LSM7: variants seen among roughly 807,000 people sequenced by gnomAD.
The protein encoded by LSM7 is U6 snRNA-associated Sm-like protein LSm7.
In LSM7, 13 loss-of-function variants were observed where a neutral mutation model predicts 14.1. The ratio of observed to expected loss-of-function variants is 0.92; its 90% CI spans 0.60 to 1.47. The LOEUF is 1.47. Among genes scored for constraint, LSM7 ranks in the 40% most tolerant of loss-of-function variants. The pLI is 0.00. For missense variants in LSM7, 108 were observed against 140.8 expected (o/e 0.77, Z 1.18); for synonymous variants, 70 against 57.1 (o/e 1.23, Z -1.02).
intron 3 of LSM7, among the ~76,000 whole-genome samples, chr19:2,323,589 T>C (rs1028499969): frequency 6.6e-5 from 10 of 152,162 alleles, no homozygotes; most frequent in South Asian, 2.1e-4. Flanking sequence ...CAGCTGGGAT[T>C]ACAGGCATGC....
At chr19:2,325,091 GC>G (rs1967994160) in intron 2 of LSM7, among the ~76,000 whole-genome samples, 1 of 152,190 alleles carries the variant, frequency 6.6e-6, no homozygotes, top group African/African-American at 2.4e-5. Flanking sequence ...GGCTTCGGGG[GC>G]TGAGACGGTC....
At chr19:2,325,770 G>A (rs1968005083) in intron 2 of LSM7, among the ~76,000 whole-genome samples, 1 of 152,266 alleles carries the variant, frequency 6.6e-6, no homozygotes, top group Admixed American at 6.5e-5. Context: ...GCGCTGACCA[G>A]GGTGGCTCTC....
At chr19:2,322,193 C>T (rs764862015) in intron 3 of LSM7, among the ~76,000 whole-genome samples, 9 of 152,214 alleles carry the variant, frequency 5.9e-5, no homozygotes, top group Non-Finnish European at 1.3e-4. Flanking sequence ...CCTGGGCCTC[C>T]TGGTCTCTGC....
At chr19:2,326,218 T>G (rs1388932837) in intron 2 of LSM7, 1 of 152,228 alleles carries the variant, frequency 6.6e-6, no homozygotes, top group Non-Finnish European at 1.5e-5. Flanking sequence ...TTAGAGCCCC[T>G]GAATCAGCTG....
chr19:2,328,306 C>T lies in LSM7; in HGVS notation c.97+81G>A. 4 of 1,156,732 alleles carry T rather than the reference C, an allele frequency of 3.5e-6. No homozygotes were observed. The South Asian group carries it at 5.4e-5, about 16-fold the overall frequency. The allele number at this position is 1,156,732 out of a possible 1,614,324, so 71.7% of individuals were successfully genotyped here. A position where few individuals can be genotyped will look rare whatever the true frequency, so the allele number is the denominator to read the frequency against. On this transcript the variant is annotated intron_variant, in intron 2 of 3. Coordinates refer to ENST00000252622, the MANE Select transcript of LSM7 (RefSeq NM_016199.3). ...TGAAAATAAATAAAAGAGGTGCTTC[C>T]GCATGCGTCCTCATCATCTCTGTTG...
intron 3 of LSM7, among the ~76,000 whole-genome samples, chr19:2,323,597 TG>T (rs1412707363): frequency 1.3e-5 from 2 of 152,070 alleles, no homozygotes; most frequent in South Asian, 2.1e-4. Flanking sequence ...ATTACAGGCA[TG>T]CGCCACCACA....
chr19:2,327,336 G>T (rs1393323003), intron 2 of LSM7, among the ~76,000 whole-genome samples: 1 of 150,482 alleles, frequency 6.6e-6, no homozygotes, highest in Non-Finnish European at 1.5e-5. Flanking sequence ...CTCGCCTCTG[G>T]GGTTCAAGCA....
rs1007624127 is a variant in LSM7, at chr19:2,321,626, G to A, written c.*54C>T. ...TGCGGTGGGAGCAGCAGCCAAGTCC[G>A]CGGGAAACCGAGCTGCTCGGGCCTG... On this transcript the variant is annotated 3_prime_UTR_variant, in exon 4 of 4. Transcript: ENST00000252622. This position sits in a 1 kb window ranked among gnomAD's most constrained non-coding sequence, Gnocchi z 5.0. The A allele has an allele frequency of 7.4e-6, 10 of 1,350,994 alleles. No individual in the cohort carries two copies. Among genetic ancestry groups the A allele is most frequent in the East Asian group, 3.0e-5 (1 of 33,120 alleles). The allele number at this position is 1,350,994 out of a possible 1,614,324, so 83.7% of individuals were successfully genotyped here.
At position 2,321,871 on chromosome 19, in the gene LSM7, G is replaced by A. The variant is rs763894813; in HGVS notation, c.170-49C>T. ...ACTGAGGGACCTCCAGGAAGCCTCC[G>A]AGACCCCCCACCCACCCAAGACCCT... On this transcript the variant is annotated intron_variant, in intron 3 of 3. Transcript: ENST00000252622. This position sits in a 1 kb window ranked among gnomAD's most constrained non-coding sequence, Gnocchi z 5.0. 1.0e-5 allele frequency: 14 copies of A among 1,360,246 alleles called. No homozygotes were observed. In the Admixed American group the frequency reaches 2.9e-4, roughly 29 times the overall value. The allele number at this position is 1,360,246 out of a possible 1,614,324, so 84.3% of individuals were successfully genotyped here.
intron 2 of LSM7, among the ~76,000 whole-genome samples, chr19:2,327,193 C>T (rs542880184): frequency 2.6e-5 from 4 of 152,318 alleles, no homozygotes; most frequent in East Asian, 1.9e-4. Context: ...CAAGAGCGGC[C>T]GCTCACTCAT....
In LSM7 at chr19:2,328,579, T is replaced by A; in HGVS notation, c.-13A>T. The A allele has an allele frequency of 6.3e-7, 1 of 1,576,240 alleles. No individual in the cohort carries two copies. Among genetic ancestry groups the A allele is most frequent in the Non-Finnish European group, 8.6e-7 (1 of 1,163,556 alleles). On this transcript the variant is annotated 5_prime_UTR_variant, in exon 1 of 4. Coordinates refer to ENST00000252622, the MANE Select transcript of LSM7 (RefSeq NM_016199.3). ...CGCTCACCGCCATCTTGTCGCGCCG[T>A]GTGGCTCTTCGCAGGCACCGCCCCG...
At chr19:2,322,775 G>T (rs1431360245) in intron 3 of LSM7, among the ~76,000 whole-genome samples, 1 of 152,114 alleles carries the variant, frequency 6.6e-6, no homozygotes. Context: ...GTGCAGCAGT[G>T]CAATCACAGC....
intron 2 of LSM7, among the ~76,000 whole-genome samples, chr19:2,326,374 C>T (rs996590214): frequency 1.4e-5 from 2 of 146,998 alleles, no homozygotes; most frequent in Non-Finnish European, 3.0e-5. Context: ...TGGAGTCTTG[C>T]TCTGTCGCCC....
chr19:2,322,547 T>G (rs2145120582), intron 3 of LSM7, among the ~76,000 whole-genome samples: 1 of 151,548 alleles, frequency 6.6e-6, no homozygotes, highest in South Asian at 2.1e-4. Flanking sequence ...TCTCAAAAAA[T>G]AAAAAAATAA....
chr19:2,328,528 G>GC (rs779382104), intron 1 of LSM7, 33 bp downstream of exon 1: 10 of 1,607,216 alleles, frequency 6.2e-6, no homozygotes, highest in Admixed American at 1.7e-5. Context: ...CGAGCTCCAC[G>GC]CCCCCCGGCT....
At chr19:2,326,903 G>A (rs12976273) in intron 2 of LSM7, among the ~76,000 whole-genome samples, 73,764 of 151,876 alleles carry the variant, frequency 0.49, 19,937 homozygotes, top group Non-Finnish European at 0.61. Flanking sequence ...GCGTCCGGGA[G>A]CTGCAAGTGT....
intron 2 of LSM7, among the ~76,000 whole-genome samples, chr19:2,325,363 C>G (rs1031677654): frequency 6.6e-6 from 1 of 152,024 alleles, no homozygotes; most frequent in African/African-American, 2.4e-5. Flanking sequence ...GCAGCTCCAC[C>G]TCTGCGCTCA....
intron 2 of LSM7, chr19:2,324,726 G>A (rs1967988180): frequency 1.2e-5 from 2 of 160,718 alleles, no homozygotes; most frequent in Admixed American, 6.0e-5. Flanking sequence ...CAGCGCGGAT[G>A]CGCCTGAGGA....
intron 2 of LSM7, among the ~76,000 whole-genome samples, chr19:2,327,273 T>G (rs562643003): frequency 6.6e-6 from 1 of 152,336 alleles, no homozygotes; most frequent in Admixed American, 6.5e-5. Flanking sequence ...TTTTTCTTTT[T>G]GTTTTGAGAC....
Sources: gnomAD v4.1 joint callset for allele counts (sites outside exome capture counted in the v4.1 genomes callset) on GRCh38, gnomAD v4.1.1 for gene constraint, Gnocchi (gnomAD v3.1) non-coding constraint, MANE v1.5 for transcripts, NCBI Gene and HGNC (gene_info 2026-07-23, HGNC 2026-07-21) for gene names.